PIK3CG: variants seen among roughly 807,000 people sequenced by gnomAD.
PIK3CG encodes phosphatidylinositol 4,5-bisphosphate 3-kinase catalytic subunit gamma isoform.
A neutral mutation model predicts 102.3 loss-of-function variants in PIK3CG; 55 were observed. The ratio of observed to expected loss-of-function variants is 0.54; its 90% CI spans 0.43 to 0.67. The LOEUF is 0.67. PIK3CG is among the 30% of genes least tolerant of loss of function. The probability of loss-of-function intolerance (pLI) is 0.00; values close to 1 mark genes in which losing one functional copy is unlikely to be tolerated. For synonymous variants in PIK3CG, 552 were observed against 540.0 expected (o/e 1.02, Z -0.31); for missense variants, 1,258 against 1,391.8 (o/e 0.90, Z 1.53).
rs1791284701 is a variant in PIK3CG, at chr7:106,892,231, T to C, written c.3030+5939T>C. On this transcript the variant is annotated intron_variant, in intron 10 of 10. Transcript: ENST00000496166. The surrounding 1 kb of genome is among the most constrained non-coding windows in gnomAD (Gnocchi z 5.2). ...AGCATCATTTCCGGTCACTATTCTC[T>C]ACCTCCCCTTCCTTTGTGTGATAAC... Among the ~76,000 whole-genome samples the C allele has an allele frequency of 6.6e-6, 1 of 152,130 alleles. No individual in the cohort carries two copies. The highest frequency in any genetic ancestry group is 6.5e-5 in the Admixed American group (1 of 15,278).
At chr7:106,886,545 G>A (rs991130413) in intron 10 of PIK3CG, among the ~76,000 whole-genome samples, 25 of 152,258 alleles carry the variant, frequency 1.6e-4, no homozygotes, top group Middle Eastern at 3.4e-3. Context: ...GCAGTGGGAT[G>A]GGCAAATGTG....
Position 106,874,233 on chromosome 7 carries a change from T to C in PIK3CG, c.2288-467T>C, listed in dbSNP as rs1158661519. Among the ~76,000 whole-genome samples, 1 of 152,212 alleles carries C rather than the reference T, an allele frequency of 6.6e-6. No individual in the cohort carries two copies. The highest frequency in any genetic ancestry group is 1.5e-5 in the Non-Finnish European group (1 of 68,020). ...TTTTAAGGCTGTCACATCCATCTTC[T>C]CTACTTCTCTACAGAACCTAACTTC... On this transcript the variant is annotated intron_variant, in intron 4 of 10. Coordinates refer to ENST00000496166, the MANE Select transcript of PIK3CG (RefSeq NM_001282426.2). This position sits in a 1 kb window ranked among gnomAD's most constrained non-coding sequence, Gnocchi z 4.3.
At position 106,869,077 on chromosome 7, in the gene PIK3CG, A is replaced by C. The variant is rs201694007; in HGVS notation, c.1516A>C (p.Thr506Pro). The change falls in exon 2 of 11, where the codon ACT (threonine) becomes CCT (proline). Residue 506 changes from threonine (T) to proline (P), a missense_variant. This residue lies in a region of PIK3CG where 832 missense variants were observed against 787.5 expected (regional missense o/e 1.06). Coordinates refer to ENST00000496166, the MANE Select transcript of PIK3CG (RefSeq NM_001282426.2). The surrounding 1 kb of genome is among the most constrained non-coding windows in gnomAD (Gnocchi z 5.3). ...CAATGCTGACAAACTCACGTCTGCA[A>C]CTAACCCAGACAAGGAGAACTCAAT... ...SFNADKLTSA[T>P]NPDKENSMSI... The C allele has an allele frequency of 6.2e-7, 1 of 1,614,214 alleles. No homozygotes were observed. Among genetic ancestry groups the C allele is most frequent in the Non-Finnish European group, 8.5e-7 (1 of 1,180,028 alleles).
rs779796371 is a variant in PIK3CG at position 106,886,329 on chromosome 7, C to A, written c.3030+37C>A. On this transcript the variant is annotated intron_variant, in intron 10 of 10. Coordinates refer to ENST00000496166, the MANE Select transcript of PIK3CG (RefSeq NM_001282426.2). The stretch of plus-strand genomic sequence containing the variant: ...CCTTCATCGCCTGCTGAGAATAGCA[C>A]CGAAGCAGATGGTTCCTGCAGCACT... 13 of 1,609,206 alleles carry A rather than the reference C, an allele frequency of 8.1e-6. No homozygotes were observed. In the South Asian group the frequency reaches 1.2e-4, roughly 15 times the overall value.
rs909496442 is a variant in PIK3CG, at chr7:106,899,558, A to G, written c.3031-5551A>G. Among the ~76,000 whole-genome samples, 15 of 152,172 alleles carry G rather than the reference A, an allele frequency of 9.9e-5. No homozygotes were observed. The highest frequency in any genetic ancestry group is 3.6e-4 in the African/African-American group (15 of 41,448). On this transcript the variant is annotated intron_variant, in intron 10 of 10. Transcript: ENST00000496166. This position sits in a 1 kb window ranked among gnomAD's most constrained non-coding sequence, Gnocchi z 4.6. ...TTCCTTCAATACCTAGTTTATTGAG[A>G]GTTTTTAACATGAAAGGGTGTTGAA... is the stretch of plus-strand genomic sequence containing the variant.
At position 106,867,546 on chromosome 7, in the gene PIK3CG, C is replaced by T. The variant is rs202100659; in HGVS notation, c.-12-4C>T. 8.5e-6 allele frequency: 13 copies of T among 1,531,968 alleles called. No homozygotes were observed. The East Asian group carries it at 2.7e-4, about 32-fold the overall frequency. 94.9% of individuals were successfully genotyped at this position (1,531,968 alleles called of 1,614,324 possible). On this transcript the variant is annotated splice_region_variant and splice_polypyrimidine_tract_variant and intron_variant, in intron 1 of 10. Coordinates refer to ENST00000496166, the MANE Select transcript of PIK3CG (RefSeq NM_001282426.2). The surrounding 1 kb of genome is among the most constrained non-coding windows in gnomAD (Gnocchi z 5.1). ...GACAAATCCCTGTGTCCCTCCGCTC[C>T]CAGGTCGCATAGGGCATGGAGCTGG... is the stretch of plus-strand genomic sequence containing the variant.
chr7:106,867,723 C>T lies in PIK3CG; in HGVS notation c.162C>T (p.Pro54=). The change falls in exon 2 of 11, where the codon CCC becomes CCT. Residue 54 remains proline (P), a synonymous_variant. Coordinates refer to ENST00000496166, the MANE Select transcript of PIK3CG (RefSeq NM_001282426.2). The surrounding 1 kb of genome is among the most constrained non-coding windows in gnomAD (Gnocchi z 5.1). ...CCAGCCAGCGCAAATGCAAGAGCCC[C>T]GAAACGGCGCTGCTGCACGTGGCCG... ...LPTSQRKCKS[P]ETALLHVAGH... 1 of 1,613,100 alleles carries T rather than the reference C, an allele frequency of 6.2e-7. No individual in the cohort carries two copies. Among genetic ancestry groups the T allele is most frequent in the Non-Finnish European group, 8.5e-7 (1 of 1,179,870 alleles).
chr7:106,885,218 G>A (rs1471030828), intron 9 of PIK3CG, among the ~76,000 whole-genome samples: 1 of 152,164 alleles, frequency 6.6e-6, no homozygotes, highest in African/African-American at 2.4e-5. Context: ...AGGAGGAAGA[G>A]GCAGGAAATG....
In PIK3CG at chr7:106,883,760, T is replaced by C. The variant is rs182689770; in HGVS notation, c.2761-395T>C. Among the ~76,000 whole-genome samples the C allele has an allele frequency of 5.3e-5, 8 of 152,342 alleles. No homozygotes were observed. The highest frequency in any genetic ancestry group is 2.6e-4 in the Admixed American group (4 of 15,300). On this transcript the variant is annotated intron_variant, in intron 8 of 10. Transcript: ENST00000496166. The surrounding 1 kb of genome is among the most constrained non-coding windows in gnomAD (Gnocchi z 5.8). ...GAGGAAATATAATGAGTAGCACTTA[T>C]TAATCTGTTATACATGGGGATCTGT...
rs1004472054 is a variant in PIK3CG at position 106,895,459 on chromosome 7, G to T, written c.3030+9167G>T. Among the ~76,000 whole-genome samples the T allele has an allele frequency of 6.6e-6, 1 of 152,252 alleles. No individual in the cohort carries two copies. The highest frequency in any genetic ancestry group is 6.5e-5 in the Admixed American group (1 of 15,288). ...AAACTTCTGGGACTGAGCGGGCAGGGCAGGTGCTCGGCTGTGCCCCCCAGG... is the reference window on the plus strand; with the variant it reads ...AAACTTCTGGGACTGAGCGGGCAGGTCAGGTGCTCGGCTGTGCCCCCCAGG... On this transcript the variant is annotated intron_variant, in intron 10 of 10. Coordinates refer to ENST00000496166, the MANE Select transcript of PIK3CG (RefSeq NM_001282426.2). This position sits in a 1 kb window ranked among gnomAD's most constrained non-coding sequence, Gnocchi z 5.4.
In PIK3CG at chr7:106,869,167, C is replaced by G. The variant is rs778089446; in HGVS notation, c.1606C>G (p.Pro536Ala). The G allele has an allele frequency of 6.2e-7, 1 of 1,614,194 alleles. No homozygotes were observed. The highest frequency in any genetic ancestry group is 1.1e-5 in the South Asian group (1 of 91,076). The change falls in exon 2 of 11, where the codon CCT becomes GCT. Residue 536 changes from proline to alanine, a missense_variant. Coordinates refer to ENST00000496166, the MANE Select transcript of PIK3CG (RefSeq NM_001282426.2). The surrounding 1 kb of genome is among the most constrained non-coding windows in gnomAD (Gnocchi z 5.3). ...AGCCCTGCCTAAGCATCAGCCCACC[C>G]CTGACCCGGAAGGGGACCGGGTTCG... The part of the protein sequence containing the change: ...PIALPKHQPT[P>A]DPEGDRVRAE...
rs918914117 is a variant in PIK3CG, at chr7:106,892,362, A to G, written c.3030+6070A>G. Among the ~76,000 whole-genome samples the G allele has an allele frequency of 2.0e-4, 30 of 152,240 alleles. No homozygotes were observed. Among genetic ancestry groups the G allele is most frequent in the African/African-American group, 6.8e-4 (28 of 41,464 alleles). On this transcript the variant is annotated intron_variant, in intron 10 of 10. Coordinates refer to ENST00000496166, the MANE Select transcript of PIK3CG (RefSeq NM_001282426.2). This position sits in a 1 kb window ranked among gnomAD's most constrained non-coding sequence, Gnocchi z 5.2. ...TTATTCACCATATCCAAAATAGGAC[A>G]CTAATTCAACGCACACTGACTAAAT...
chr7:106,886,067 C>CA, intron 9 of PIK3CG, 68 bp from the exon 10 acceptor site: 2 of 1,402,688 alleles, frequency 1.4e-6, no homozygotes, highest in Non-Finnish European at 2.0e-6. Context: ...TTAGGCAACT[C>CA]AAAGAAATAT....
intron 10 of PIK3CG, among the ~76,000 whole-genome samples, chr7:106,889,937 G>T (rs1160950617): frequency 6.6e-6 from 1 of 152,084 alleles, no homozygotes; most frequent in African/African-American, 2.4e-5. Context: ...CCTACAAACA[G>T]GTGCTAAACA....
At chr7:106,866,965 G>C (rs1488604113) in intron 1 of PIK3CG, among the ~76,000 whole-genome samples, 1 of 152,196 alleles carries the variant, frequency 6.6e-6, no homozygotes, top group Non-Finnish European at 1.5e-5. Context: ...TCCAAGAAGT[G>C]TGAGACTTAA....
Position 106,867,705 on chromosome 7 carries a change from G to A in PIK3CG, c.144G>A (p.Gln48=), listed in dbSNP as rs1219175107. 1.9e-6 allele frequency: 3 copies of A among 1,613,290 alleles called. No homozygotes were observed. Among genetic ancestry groups the A allele is most frequent in the Non-Finnish European group, 2.5e-6 (3 of 1,179,964 alleles). Residue 48 remains glutamine, a synonymous_variant, in exon 2 of 11, where the codon CAG becomes CAA. Transcript: ENST00000496166. The surrounding 1 kb of genome is among the most constrained non-coding windows in gnomAD (Gnocchi z 5.1). ...TCGAGTTCGTGCTGCCCACCAGCCA[G>A]CGCAAATGCAAGAGCCCCGAAACGG... ...IPIEFVLPTS[Q]RKCKSPETAL...
rs1190551564 is a variant in PIK3CG at position 106,884,800 on chromosome 7, TTGA to T, written c.2872+536_2872+538del. ...TGAGAGGGTTTTGATATGTAAGGAA[TTGA>T]TTTATTATGGTCTCTGTGCAGTGAA... is the stretch of plus-strand genomic sequence containing the variant. On this transcript the variant is annotated intron_variant, in intron 9 of 10. Coordinates refer to ENST00000496166, the MANE Select transcript of PIK3CG (RefSeq NM_001282426.2). This position sits in a 1 kb window ranked among gnomAD's most constrained non-coding sequence, Gnocchi z 4.2. Among the ~76,000 whole-genome samples the T allele has an allele frequency of 1.3e-5, 2 of 152,128 alleles. No homozygotes were observed. Among genetic ancestry groups the T allele is most frequent in the Non-Finnish European group, 2.9e-5 (2 of 68,028 alleles).
At position 106,879,641 on chromosome 7, in the gene PIK3CG, G is replaced by C. The variant is rs1204168810; in HGVS notation, c.2514G>C (p.Leu838=). 3 of 1,612,574 alleles carry C rather than the reference G, an allele frequency of 1.9e-6. No individual in the cohort carries two copies. The highest frequency in any genetic ancestry group is 1.7e-6 in the Non-Finnish European group (2 of 1,178,998). Residue 838 remains leucine (L), a synonymous_variant, in exon 6 of 11, where the codon CTG becomes CTC. Transcript: ENST00000496166. This position sits in a 1 kb window ranked among gnomAD's most constrained non-coding sequence, Gnocchi z 4.9. Reference sequence around the variant, plus strand: ...TTATCTTTAAACATGGTGATGATCTGCGCCAAGACATGCTTATTTTACAGG... The same window carrying C: ...TTATCTTTAAACATGGTGATGATCTCCGCCAAGACATGCTTATTTTACAGG... ...IGIIFKHGDD[L]RQDMLILQIL...
rs1790910637 is a variant in PIK3CG at position 106,880,864 on chromosome 7, TG to T, written c.2538+1203del. ...TGGCAAATTATATTTTTTGTAGAGA[TG>T]GGGTCTTGCCATGTTACCCACGCTG... On this transcript the variant is annotated intron_variant, in intron 6 of 10. Coordinates refer to ENST00000496166, the MANE Select transcript of PIK3CG (RefSeq NM_001282426.2). The surrounding 1 kb of genome is among the most constrained non-coding windows in gnomAD (Gnocchi z 4.2). Among the ~76,000 whole-genome samples, 1 of 152,016 alleles carries T rather than the reference TG, an allele frequency of 6.6e-6. No homozygotes were observed. The highest frequency in any genetic ancestry group is 1.5e-5 in the Non-Finnish European group (1 of 67,980).
Sources: allele counts gnomAD v4.1 joint callset (sites outside exome capture counted in the v4.1 genomes callset), GRCh38; gene constraint gnomAD v4.1.1; regional missense constraint gnomAD v4.1.1; non-coding constraint Gnocchi (gnomAD v3.1); transcripts MANE v1.5; gene names NCBI Gene and HGNC (gene_info 2026-07-23, HGNC 2026-07-21).